Variants in EFNA5 observed in about 807,000 individuals in gnomAD.
EFNA5 encodes the protein ephrin-A5.
EFNA5 carries 5 observed loss-of-function variants against 22.9 expected under a neutral mutation model. That is an observed-to-expected ratio of 0.22 (90% confidence interval 0.11 to 0.46). The LOEUF is 0.46. EFNA5 is among the 20% of genes least tolerant of loss of function. The pLI is 0.99. For missense variants in EFNA5, 237 were observed against 293.3 expected, an observed-to-expected ratio of 0.81 and a Z score of 1.40; for synonymous variants, 113 against 112.2, an observed-to-expected ratio of 1.01 and a Z score of -0.04.
chr5:107,423,898 G>T (rs1355114890), intron 2 of EFNA5, among the ~76,000 whole-genome samples: 7 of 152,116 alleles, frequency 4.6e-5, no homozygotes, highest in Non-Finnish European at 8.8e-5. Context: ...AAGTAAATTG[G>T]AAACTTCATT....
At chr5:107,571,395 C>T (rs1277721113) in intron 1 of EFNA5, among the ~76,000 whole-genome samples, 1 of 152,136 alleles carries the variant, frequency 6.6e-6, no homozygotes. Flanking sequence ...GTGCAGATGG[C>T]TCGCTGTCGG....
At chr5:107,475,770 C>A (rs1750267878) in intron 1 of EFNA5, among the ~76,000 whole-genome samples, 1 of 151,500 alleles carries the variant, frequency 6.6e-6, no homozygotes, top group African/African-American at 2.4e-5. Flanking sequence ...CGAGAACTAC[C>A]CCAAAGTGCA....
In EFNA5 at chr5:107,473,830, T is replaced by C. The variant is rs142475015; in HGVS notation, c.126-46321A>G. On this transcript the variant is annotated intron_variant, in intron 1 of 4. Transcript: ENST00000333274. ...CATGTGCCACCACGCCCAGCGAATT[T>C]TTGCATTTTTAGTAGAGATGGGGTT... 4.5e-3 allele frequency among the ~76,000 whole-genome samples: 686 copies of C among 152,178 alleles called. 4 individuals are homozygous for C. Among genetic ancestry groups the C allele is most frequent in the African/African-American group, 0.016 (661 of 41,514 alleles).
intron 1 of EFNA5, among the ~76,000 whole-genome samples, chr5:107,470,066 G>A (rs1750097283): frequency 6.6e-6 from 1 of 152,170 alleles, no homozygotes; most frequent in Non-Finnish European, 1.5e-5. Context: ...GTGATAGATA[G>A]TTCCAGGAGA....
At chr5:107,426,558 G>C (rs1218471410) in intron 2 of EFNA5, among the ~76,000 whole-genome samples, 3 of 152,182 alleles carry the variant, frequency 2.0e-5, no homozygotes, top group Non-Finnish European at 4.4e-5. Flanking sequence ...GAAGAAACAA[G>C]GCCAGGCATT....
intron 2 of EFNA5, among the ~76,000 whole-genome samples, chr5:107,403,258 C>T (rs3797517): frequency 0.17 from 25,347 of 152,084 alleles, 2,545 homozygotes; most frequent in South Asian, 0.33. Context: ...TTTGATGACC[C>T]GAGAAGGTTA....
At chr5:107,457,339 C>T (rs1749720870) in intron 1 of EFNA5, among the ~76,000 whole-genome samples, 1 of 152,128 alleles carries the variant, frequency 6.6e-6, no homozygotes, top group Non-Finnish European at 1.5e-5. Context: ...AGATCCTTGA[C>T]TCAGCCTCTG....
At chr5:107,639,191 T>TG (rs1384343388) in intron 1 of EFNA5, among the ~76,000 whole-genome samples, 1 of 152,134 alleles carries the variant, frequency 6.6e-6, no homozygotes, top group Non-Finnish European at 1.5e-5. Context: ...AATTTTAAAA[T>TG]GGGGGGTTAT....
At chr5:107,447,970 C>T (rs1749439915) in intron 1 of EFNA5, among the ~76,000 whole-genome samples, 1 of 152,048 alleles carries the variant, frequency 6.6e-6, no homozygotes. Context: ...CCTCAGCCTC[C>T]CGAGTAGCTG....
At chr5:107,601,442 T>C (rs934599937) in intron 1 of EFNA5, among the ~76,000 whole-genome samples, 9 of 152,070 alleles carry the variant, frequency 5.9e-5, no homozygotes, top group Non-Finnish European at 4.4e-5. Context: ...TAGAAGTAAG[T>C]GTAACTCTGA....
At chr5:107,640,349 C>G (rs1003369316) in intron 1 of EFNA5, among the ~76,000 whole-genome samples, 1 of 152,100 alleles carries the variant, frequency 6.6e-6, no homozygotes, top group African/African-American at 2.4e-5. Flanking sequence ...AAAAAAAAGG[C>G]TAGACTCAGT....
chr5:107,624,365 G>A (rs1750102169), intron 1 of EFNA5, among the ~76,000 whole-genome samples: 1 of 152,076 alleles, frequency 6.6e-6, no homozygotes, highest in Non-Finnish European at 1.5e-5. Flanking sequence ...CTACATGATG[G>A]CAGACATAAT....
At chr5:107,527,479 G>A (rs943066902) in intron 1 of EFNA5, among the ~76,000 whole-genome samples, 17 of 151,812 alleles carry the variant, frequency 1.1e-4, no homozygotes, top group Admixed American at 3.9e-4. Context: ...TAGAGATGGG[G>A]TTTCACCATG....
chr5:107,412,495 A>AT (rs1293048099), intron 2 of EFNA5, among the ~76,000 whole-genome samples: 1 of 152,178 alleles, frequency 6.6e-6, no homozygotes, highest in African/African-American at 2.4e-5. Context: ...TTAATGGATA[A>AT]TTGTGAAAAA....
rs1488985734 is a variant in EFNA5, at chr5:107,377,637, CAG to C, written c.*3616_*3617del. ...TGTGACTCTTCCTTTCACAACGACACAGAGAGGGAAACAGCCCCATTTAAGCT... is the reference window on the plus strand; with the variant it reads ...TGTGACTCTTCCTTTCACAACGACACAGAGGGAAACAGCCCCATTTAAGCT... On this transcript the variant is annotated 3_prime_UTR_variant, in exon 5 of 5. Coordinates refer to ENST00000333274, the MANE Select transcript of EFNA5 (RefSeq NM_001962.3). 6.6e-6 allele frequency: 1 copy of C among 152,130 alleles called. No individual in the cohort carries two copies. Among genetic ancestry groups the C allele is most frequent in the Non-Finnish European group, 1.5e-5 (1 of 68,040 alleles). The allele number at this position is 152,130 out of a possible 1,614,324, so 9.4% of individuals were successfully genotyped here.
At position 107,422,320 on chromosome 5, in the gene EFNA5, A is replaced by C. The variant is rs962272557; in HGVS notation, c.418+4897T>G. Among the ~76,000 whole-genome samples the C allele has an allele frequency of 5.3e-5, 8 of 152,350 alleles. 1 individual carries two copies. The highest frequency in any genetic ancestry group is 6.5e-5 in the Admixed American group (1 of 15,300). ...ATTAAACATCTGCATGTGCCAAGCA[A>C]TGTAATACAGGGCAGAAAGCAGGAA... On this transcript the variant is annotated intron_variant, in intron 2 of 4. Coordinates refer to ENST00000333274, the MANE Select transcript of EFNA5 (RefSeq NM_001962.3).
intron 1 of EFNA5, among the ~76,000 whole-genome samples, chr5:107,535,700 T>C (rs2112455492): frequency 6.6e-6 from 1 of 152,308 alleles, no homozygotes; most frequent in East Asian, 1.9e-4. Flanking sequence ...AGGCAAATAA[T>C]GTAGTGTCTG....
intron 1 of EFNA5, among the ~76,000 whole-genome samples, chr5:107,461,041 T>C (rs750391213): frequency 2.0e-5 from 3 of 152,104 alleles, no homozygotes; most frequent in Non-Finnish European, 4.4e-5. Context: ...AAACTTGCCC[T>C]GTATTTCTTT....
chr5:107,491,414 T>C (rs755535000), intron 1 of EFNA5, among the ~76,000 whole-genome samples: 1 of 152,072 alleles, frequency 6.6e-6, no homozygotes, highest in African/African-American at 2.4e-5. Context: ...CGGGTTCAAG[T>C]GATTCTCCTG....
Sources: gnomAD v4.1 joint callset for allele counts (sites outside exome capture counted in the v4.1 genomes callset) on GRCh38, gnomAD v4.1.1 for gene constraint, MANE v1.5 for transcripts, NCBI Gene and HGNC (gene_info 2026-07-23, HGNC 2026-07-21) for gene names.